The following PRRC1 variants were observed in gnomAD, a reference collection of about 807,000 sequenced individuals.
PRRC1 encodes proline rich coiled-coil 1.
PRRC1 carries 39 observed loss-of-function variants against 40.7 expected under a neutral mutation model. The observed-to-expected ratio is 0.96, with a 90% CI of 0.74 to 1.25. The LOEUF (loss-of-function observed/expected upper bound fraction) is 1.25. Among genes scored for constraint, PRRC1 ranks in the 50% most tolerant of loss-of-function variants. PRRC1 has a pLI of 0.00. For missense variants in PRRC1, 573 were observed against 548.3 expected (o/e 1.05, Z -0.45); for synonymous variants, 175 against 193.3 (o/e 0.91, Z 0.79).
In PRRC1 at chr5:127,524,520, C is replaced by CT. The variant is rs760465877; in HGVS notation, c.104-5dup. The CT allele has an allele frequency of 1.9e-6, 3 of 1,586,028 alleles. No individual in the cohort carries two copies. In the Admixed American group the frequency reaches 5.4e-5, roughly 28 times the overall value. On this transcript the variant is annotated splice_polypyrimidine_tract_variant and intron_variant, in intron 2 of 8. Transcript: ENST00000296666. ...TAATTCTGTGCTTTTATCCTCTCCA[C>CT]TTTTTTCTAGCGGCAACCAGTTCTT...
Position 127,526,678 on chromosome 5 carries a change from G to T in PRRC1, c.554G>T (p.Gly185Val). The T allele has an allele frequency of 1.2e-6, 2 of 1,613,598 alleles. No homozygotes were observed. Among genetic ancestry groups the T allele is most frequent in the Non-Finnish European group, 1.7e-6 (2 of 1,179,712 alleles). Reference sequence around the variant, plus strand: ...TTGACATCTCTGGCACAGGGAACTGGAACCACATCAGCCATTACTTTCCCA... The same window carrying T: ...TTGACATCTCTGGCACAGGGAACTGTAACCACATCAGCCATTACTTTCCCA... Reference protein sequence around the residue: ...ASLTSLAQGTGTTSAITFPEE... With the variant: ...ASLTSLAQGTVTTSAITFPEE... The change falls in exon 4 of 9, where the codon GGA becomes GTA. Residue 185 changes from glycine to valine, a missense_variant. Coordinates refer to ENST00000296666, the MANE Select transcript of PRRC1 (RefSeq NM_130809.5).
At chr5:127,524,945 T>A (rs754953477) in intron 3 of PRRC1, 25 bp downstream of exon 3, 1 of 1,535,334 alleles carries the variant, frequency 6.5e-7, no homozygotes, top group Non-Finnish European at 8.8e-7. Flanking sequence ...TACTTTGAAA[T>A]ACATGGCTAT....
intron 1 of PRRC1, among the ~76,000 whole-genome samples, chr5:127,519,744 T>G (rs1405906013): frequency 3.3e-5 from 5 of 152,238 alleles, no homozygotes; most frequent in African/African-American, 1.2e-4. Flanking sequence ...ATCAGTACAC[T>G]GATGACACCC....
At chr5:127,518,056 C>T (rs545872758) in intron 1 of PRRC1, 1 of 152,568 alleles carries the variant, frequency 6.6e-6, no homozygotes, top group Admixed American at 6.5e-5. Flanking sequence ...TCTCGCCCCG[C>T]GACACTTTGC....
chr5:127,540,469 C>A (rs1343527455), intron 7 of PRRC1, among the ~76,000 whole-genome samples: 1 of 151,964 alleles, frequency 6.6e-6, no homozygotes, highest in Non-Finnish European at 1.5e-5. Context: ...TCTCTGAATT[C>A]TTTCTTGCAT....
Position 127,530,393 on chromosome 5 carries a change from A to T in PRRC1, c.754A>T (p.Ile252Phe). The T allele has an allele frequency of 6.2e-7, 1 of 1,611,864 alleles. No individual in the cohort carries two copies. Residue 252 changes from isoleucine to phenylalanine, a missense_variant, in exon 5 of 9, where the codon ATC becomes TTC. By Grantham distance (21) the Ile-to-Phe change is conservative (BLOSUM62 0). Transcript: ENST00000296666. ...GCTGGACCCTGGCATGGCTCCCTAT[A>T]TCAGTATGTACATAAGTTAGACCGG... Reference protein sequence around the residue: ...TTLDPGMAPYIKSGGELDIVV... With the variant: ...TTLDPGMAPYFKSGGELDIVV...
At chr5:127,522,657 G>A (rs1001562371) in intron 1 of PRRC1, among the ~76,000 whole-genome samples, 6 of 151,330 alleles carry the variant, frequency 4.0e-5, no homozygotes, top group African/African-American at 1.5e-4. Context: ...CTCCCAAAGT[G>A]TAGGTTTACA....
chr5:127,534,168 G>A (rs1377202478), intron 6 of PRRC1, among the ~76,000 whole-genome samples: 6 of 151,468 alleles, frequency 4.0e-5, no homozygotes, highest in East Asian at 3.9e-4. Flanking sequence ...CAGGAATTCC[G>A]TCCTCTCTTT....
At chr5:127,528,793 T>C (rs1293018213) in intron 4 of PRRC1, among the ~76,000 whole-genome samples, 3 of 152,186 alleles carry the variant, frequency 2.0e-5, no homozygotes, top group African/African-American at 7.2e-5. Context: ...AAACTTAATT[T>C]TCTTCCAGCT....
intron 1 of PRRC1, among the ~76,000 whole-genome samples, chr5:127,519,656 A>G (rs571985617): frequency 2.6e-5 from 4 of 152,256 alleles, no homozygotes; most frequent in Non-Finnish European, 4.4e-5. Context: ...TACTAAACCA[A>G]TAATTGGTTT....
In PRRC1 at chr5:127,523,600, A is replaced by G. The variant is rs750441187; in HGVS notation, c.103+18A>G. The G allele has an allele frequency of 7.4e-6, 11 of 1,485,468 alleles. No individual in the cohort carries two copies. The highest frequency in any genetic ancestry group is 1.7e-4 in the Middle Eastern group (1 of 5,730). 92.0% of individuals were successfully genotyped at this position (1,485,468 alleles called of 1,614,324 possible). ...TCCATTAGGTACATGTAGTTGTCTAACATCTCGTGTGTTTTGAGAATAGTG... is the reference window on the plus strand; with the variant it reads ...TCCATTAGGTACATGTAGTTGTCTAGCATCTCGTGTGTTTTGAGAATAGTG... On this transcript the variant is annotated intron_variant, in intron 2 of 8. Coordinates refer to ENST00000296666, the MANE Select transcript of PRRC1 (RefSeq NM_130809.5).
intron 1 of PRRC1, chr5:127,518,098 GGCCCCACCT>G (rs1281147824): frequency 2.6e-5 from 4 of 152,414 alleles, no homozygotes; most frequent in African/African-American, 9.6e-5. Context: ...GGAGCGCTCT[GGCCCCACCT>G]TCCAGGGCGC....
At chr5:127,549,599 A>G (rs1768318442) in intron 8 of PRRC1, 1 of 152,242 alleles carries the variant, frequency 6.6e-6, no homozygotes, top group Non-Finnish European at 1.5e-5. Flanking sequence ...GATCTAATAA[A>G]TAAAACACTG....
chr5:127,529,959 A>C (rs1423161071), intron 4 of PRRC1, among the ~76,000 whole-genome samples: 1 of 152,054 alleles, frequency 6.6e-6, no homozygotes, highest in Non-Finnish European at 1.5e-5. Context: ...GTTTTGCCCA[A>C]TCTTTTATAT....
chr5:127,521,292 T>A (rs1767451889), intron 1 of PRRC1, among the ~76,000 whole-genome samples: 1 of 152,218 alleles, frequency 6.6e-6, no homozygotes, highest in African/African-American at 2.4e-5. Flanking sequence ...TAATCCTTGG[T>A]CATCTGCTCT....
In PRRC1 at chr5:127,554,608, C is replaced by T. The variant is rs1161447428; in HGVS notation, c.*2692C>T. 6.6e-6 allele frequency: 1 copy of T among 152,306 alleles called. No individual in the cohort carries two copies. Among genetic ancestry groups the T allele is most frequent in the Non-Finnish European group, 1.5e-5 (1 of 68,032 alleles). The allele number at this position is 152,306 out of a possible 1,614,324, so 9.4% of individuals were successfully genotyped here. A position where few individuals can be genotyped will look rare whatever the true frequency, so the allele number is the denominator to read the frequency against. On this transcript the variant is annotated 3_prime_UTR_variant, in exon 9 of 9. Coordinates refer to ENST00000296666, the MANE Select transcript of PRRC1 (RefSeq NM_130809.5). Reference sequence around the variant, plus strand: ...TAGACCTAAACTGTGTCACAGACTTCTGAATGTTTAGGCAGTGCTAGTAAT... The same window carrying T: ...TAGACCTAAACTGTGTCACAGACTTTTGAATGTTTAGGCAGTGCTAGTAAT...
intron 3 of PRRC1, 115 bp downstream of exon 3, chr5:127,525,035 A>T (rs1767582020): frequency 9.5e-7 from 1 of 1,057,778 alleles, no homozygotes; most frequent in Admixed American, 2.8e-5. Context: ...CCCAATTCAA[A>T]GCATACAGTT....
intron 7 of PRRC1, among the ~76,000 whole-genome samples, chr5:127,545,347 T>C (rs1460150731): frequency 2.0e-5 from 3 of 152,224 alleles, no homozygotes; most frequent in Non-Finnish European, 2.9e-5. Context: ...CATATGTTTA[T>C]TGCGGCACTA....
rs200497223 is a variant in PRRC1, at chr5:127,524,734, G to C, written c.307G>C (p.Gly103Arg). Residue 103 changes from glycine (G) to arginine (R), a missense_variant, in exon 3 of 9, where the codon GGT becomes CGT. Physicochemically the swap from Gly to Arg is moderately radical, Grantham distance 125. Transcript: ENST00000296666. ...TTCTCCATCAACTGCTGCTGCCTTC[G>C]GTAATCCTCCTGTATCTCACTTCCC... ...PVSPSTAAAF[G>R]NPPVSHFPPS... The C allele has an allele frequency of 5.0e-6, 8 of 1,613,970 alleles. No homozygotes were observed. Among genetic ancestry groups the C allele is most frequent in the Non-Finnish European group, 6.8e-6 (8 of 1,179,976 alleles).
Sources: allele counts gnomAD v4.1 joint callset (sites outside exome capture counted in the v4.1 genomes callset), GRCh38; gene constraint gnomAD v4.1.1; transcripts MANE v1.5; gene names NCBI Gene and HGNC (gene_info 2026-07-23, HGNC 2026-07-21).